Variants in DNAJC6 observed in about 807,000 individuals in gnomAD.
The protein encoded by DNAJC6 is DnaJ heat shock protein family (Hsp40) member C6, also known as auxilin.
A neutral mutation model predicts 110.0 loss-of-function variants in DNAJC6; 34 were observed. The ratio of observed to expected loss-of-function variants is 0.31; its 90% CI spans 0.24 to 0.41. The LOEUF (loss-of-function observed/expected upper bound fraction) is 0.41, where lower values mean the gene tolerates loss of function less well. Among genes scored for constraint, DNAJC6 ranks in the 10% least tolerant of loss-of-function variants. DNAJC6 has a pLI of 1.00. For synonymous variants in DNAJC6, 406 were observed against 437.2 expected (o/e 0.93, Z 0.89); for missense variants, 1,031 against 1,207.8 (o/e 0.85, Z 2.17).
At chr1:65,397,554 T>C (rs1269911616) in intron 13 of DNAJC6, among the ~76,000 whole-genome samples, 1 of 151,382 alleles carries the variant, frequency 6.6e-6, no homozygotes, top group African/African-American at 2.4e-5. Context: ...TCAGTCTCTG[T>C]CCCCTGATGT....
chr1:65,325,353 G>A (rs1400970802), intron 1 of DNAJC6, among the ~76,000 whole-genome samples: 1 of 152,214 alleles, frequency 6.6e-6, no homozygotes, highest in African/African-American at 2.4e-5. Flanking sequence ...GTATATTATT[G>A]TGGTTAAGAA....
intron 1 of DNAJC6, among the ~76,000 whole-genome samples, chr1:65,273,528 G>A (rs532583633): frequency 6.6e-6 from 1 of 151,022 alleles, no homozygotes; most frequent in East Asian, 2.0e-4. Flanking sequence ...CCCGGGAGGC[G>A]GAGGTTGCAG....
intron 7 of DNAJC6, 83 bp downstream of exon 7, chr1:65,385,989 C>T: frequency 2.3e-6 from 3 of 1,309,796 alleles, no homozygotes; most frequent in Non-Finnish European, 3.1e-6. Context: ...CATATTCTTC[C>T]TGCAAGACTA....
intron 4 of DNAJC6, among the ~76,000 whole-genome samples, chr1:65,369,568 G>A (rs1645686235): frequency 6.6e-6 from 1 of 152,124 alleles, no homozygotes; most frequent in Non-Finnish European, 1.5e-5. Flanking sequence ...ATTCATAAGG[G>A]TGTATAAGGT....
intron 14 of DNAJC6, among the ~76,000 whole-genome samples, chr1:65,400,612 G>A (rs1473901208): frequency 6.6e-6 from 1 of 152,104 alleles, no homozygotes; most frequent in East Asian, 1.9e-4. Flanking sequence ...CTTATTTCAC[G>A]TAACATAATG....
At chr1:65,322,391 A>G (rs1453282319) in intron 1 of DNAJC6, among the ~76,000 whole-genome samples, 1 of 152,204 alleles carries the variant, frequency 6.6e-6, no homozygotes, top group South Asian at 2.1e-4. Context: ...TCATATATAT[A>G]ATGTACACTT....
chr1:65,365,863 C>T (rs368859662), intron 2 of DNAJC6, 22 bp from the exon 3 acceptor site: 1 of 1,609,688 alleles, frequency 6.2e-7, no homozygotes, highest in Non-Finnish European at 8.5e-7. Context: ...TTAATGAGTG[C>T]CCATTTTTGT....
chr1:65,377,018 CTCCCAAAGTGTTGGGA>C (rs1645773088), intron 4 of DNAJC6, among the ~76,000 whole-genome samples: 1 of 152,156 alleles, frequency 6.6e-6, no homozygotes, highest in African/African-American at 2.4e-5. Context: ...CTGCCTAGGC[CTCCCAAAGTGTTGGGA>C]TTACAGGCGT....
chr1:65,402,751 G>A (rs534377309), intron 15 of DNAJC6, among the ~76,000 whole-genome samples: 2 of 152,206 alleles, frequency 1.3e-5, no homozygotes, highest in African/African-American at 2.4e-5. Context: ...GTTGTTGTCT[G>A]TAACTAGTGT....
At chr1:65,296,828 C>T (rs1367215752) in intron 1 of DNAJC6, among the ~76,000 whole-genome samples, 2 of 152,020 alleles carry the variant, frequency 1.3e-5, no homozygotes, top group African/African-American at 2.4e-5. Flanking sequence ...CCTCGTGATC[C>T]ACCTGCCTCG....
At chr1:65,364,572 G>T (rs1418265650) in intron 1 of DNAJC6, 63 bp from the exon 2 acceptor site, 5 of 1,531,964 alleles carry the variant, frequency 3.3e-6, no homozygotes, top group East Asian at 4.5e-5. Flanking sequence ...AAGAGGGATT[G>T]GTTTTCCGTG....
chr1:65,365,385 TAATC>T (rs1645636356), intron 2 of DNAJC6, among the ~76,000 whole-genome samples: 1 of 152,202 alleles, frequency 6.6e-6, no homozygotes. Context: ...ATGCAGTTCT[TAATC>T]AGAAATTCAA....
At chr1:65,272,489 C>G (rs960044027) in intron 1 of DNAJC6, among the ~76,000 whole-genome samples, 1 of 152,150 alleles carries the variant, frequency 6.6e-6, no homozygotes, top group African/African-American at 2.4e-5. Flanking sequence ...CTGTGATTTC[C>G]TTTTGTTGTG....
rs540244960 is a variant in DNAJC6, at chr1:65,280,231, C to T, written c.-131+15299C>T. ...AAGCCTGTGAAAACATTCATTGTCCCGTCTCTTAGAGATAATTGCTGTTAA... is the reference window on the plus strand; with the variant it reads ...AAGCCTGTGAAAACATTCATTGTCCTGTCTCTTAGAGATAATTGCTGTTAA... On this transcript the variant is annotated intron_variant, in intron 1 of 19. Transcript: ENST00000263441. Among the ~76,000 whole-genome samples the T allele has an allele frequency of 1.2e-4, 19 of 152,194 alleles. No homozygotes were observed. The South Asian group carries it at 2.5e-3, about 20-fold the overall frequency.
At chr1:65,309,502 C>T (rs1252006585), upstream of DNAJC6, 2 of 1,117,912 alleles carry the variant, frequency 1.8e-6, no homozygotes, top group African/African-American at 3.4e-5. Flanking sequence ...CGCCCCCGCC[C>T]GGCCGCGTCT....
rs762442673 is a variant in DNAJC6 at position 65,384,217 on chromosome 1, C to A, written c.691C>A (p.Leu231Met). ...CLDGRAASSI[L>M]VGAMFIFCNL... is the part of the protein sequence containing the mutation. ...GGATGGACGGGCGGCATCATCAATT[C>A]TGGTTGGTGCTATGTTCATTTTCTG... The change falls in exon 6 of 19, where the codon CTG becomes ATG. Residue 231 changes from leucine (L) to methionine (M), a missense_variant. By Grantham distance (15) the Leu-to-Met change is conservative. Transcript: ENST00000371069. 1 of 1,553,538 alleles carries A rather than the reference C, an allele frequency of 6.4e-7. No homozygotes were observed. Among genetic ancestry groups the A allele is most frequent in the Non-Finnish European group, 8.7e-7 (1 of 1,152,910 alleles).
chr1:65,322,332 T>G (rs1645204671), intron 1 of DNAJC6, among the ~76,000 whole-genome samples: 1 of 152,192 alleles, frequency 6.6e-6, no homozygotes, highest in South Asian at 2.1e-4. Flanking sequence ...TTTTTCTATC[T>G]TCTCACACAG....
At chr1:65,269,980 C>G (rs956110607) in intron 1 of DNAJC6, among the ~76,000 whole-genome samples, 1 of 152,128 alleles carries the variant, frequency 6.6e-6, no homozygotes, top group African/African-American at 2.4e-5. Flanking sequence ...ACCTTCTATA[C>G]TTTTCTGGGC....
chr1:65,380,915 TGTTTTG>T (rs970837674), intron 5 of DNAJC6, among the ~76,000 whole-genome samples: 58 of 102,214 alleles, frequency 5.7e-4, no homozygotes, highest in African/African-American at 2.5e-3. Context: ...TTTTTTGTTT[TGTTTTG>T]TTTTTTTTTT....
Sources: gnomAD v4.1 joint callset for allele counts (sites outside exome capture counted in the v4.1 genomes callset) on GRCh38, gnomAD v4.1.1 for gene constraint, MANE v1.5 for transcripts, NCBI Gene and HGNC (gene_info 2026-07-23, HGNC 2026-07-21) for gene names.